OMA1: variants seen among roughly 807,000 people sequenced by gnomAD.
The protein encoded by OMA1 is metalloendopeptidase OMA1, mitochondrial.
A neutral mutation model predicts 30.9 loss-of-function variants in OMA1; 38 were observed. That is an observed-to-expected ratio of 1.23 (90% CI 0.95 to 1.61). OMA1 has a LOEUF of 1.61. OMA1 is among the 40% of genes most tolerant of loss of function. The pLI, the probability that OMA1 is intolerant of heterozygous loss-of-function variation, is 0.00. For synonymous variants in OMA1, 173 were observed against 121.9 expected (o/e 1.42, Z -2.76); for missense variants, 461 against 349.2 (o/e 1.32, Z -2.55).
chr1:58,509,194 G>A (rs772544030), intron 7 of OMA1, among the ~76,000 whole-genome samples: 25 of 151,964 alleles, frequency 1.6e-4, no homozygotes, highest in Non-Finnish European at 2.6e-4. Flanking sequence ...AAAGGATGAA[G>A]ATAAATCTTC....
At chr1:58,539,766 A>G (rs1646575244) in intron 1 of OMA1, among the ~76,000 whole-genome samples, 1 of 152,174 alleles carries the variant, frequency 6.6e-6, no homozygotes, top group Non-Finnish European at 1.5e-5. Context: ...AGAGCCCTAC[A>G]ACTGTCCTAG....
rs758035870 is a variant in OMA1 at position 58,527,255 on chromosome 1, CTT to C, written c.1215+4_1215+5del. 4 of 872,068 alleles carry C rather than the reference CTT, an allele frequency of 4.6e-6. No homozygotes were observed. In the Admixed American group the frequency reaches 6.8e-5, roughly 15 times the overall value. 54.0% of individuals were successfully genotyped at this position (872,068 alleles called of 1,614,324 possible). A position where few individuals can be genotyped will look rare whatever the true frequency, so the allele number is the denominator to read the frequency against. On this transcript the variant is annotated splice_donor_5th_base_variant and intron_variant, in intron 7 of 8. Transcript: ENST00000371226. Reference sequence around the variant, plus strand: ...ATTATGTATTCTCAACTACTAAACACTTTACCTTTGCAGCAAGCAGTAGTCCA... The same window carrying C: ...ATTATGTATTCTCAACTACTAAACACTACCTTTGCAGCAAGCAGTAGTCCA...
At position 58,484,664 on chromosome 1, in the gene OMA1, C is replaced by G. The variant is rs186725010; in HGVS notation, c.1366-3490G>C. On this transcript the variant is annotated intron_variant, in intron 8 of 8. Transcript: ENST00000371226. Reference sequence around the variant, plus strand: ...TTATTTGCTAAAACTTGGAAATAACCAAGATTTCCTTCGATAGGTGAATGG... The same window carrying G: ...TTATTTGCTAAAACTTGGAAATAACGAAGATTTCCTTCGATAGGTGAATGG... Among the ~76,000 whole-genome samples the G allele has an allele frequency of 3.3e-4, 50 of 152,160 alleles. No homozygotes were observed. The Middle Eastern group carries it at 0.01, about 31-fold the overall frequency.
chr1:58,485,228 T>TAAAAAAAAAAAAAAAAAA (rs71043289), intron 8 of OMA1, among the ~76,000 whole-genome samples: 7 of 42,056 alleles, frequency 1.7e-4, no homozygotes, highest in Non-Finnish European at 2.9e-4. Flanking sequence ...AGTCTACTAC[T>TAAAAAAAAAAAAAAAAAA]AAAAAAAAAA....
At chr1:58,488,981 T>C (rs6658743) in intron 8 of OMA1, among the ~76,000 whole-genome samples, 17,624 of 152,266 alleles carry the variant, frequency 0.12, 1,215 homozygotes, top group African/African-American at 0.18. Context: ...GATGGCCAAA[T>C]AGGAACAGCT....
chr1:58,481,706 G>T (rs538561100), intron 8 of OMA1, among the ~76,000 whole-genome samples: 1 of 152,180 alleles, frequency 6.6e-6, no homozygotes, highest in Non-Finnish European at 1.5e-5. Context: ...ACATGTCATG[G>T]GAGGTAACTG....
chr1:58,503,100 A>G (rs1214352810), intron 8 of OMA1, among the ~76,000 whole-genome samples: 3 of 152,228 alleles, frequency 2.0e-5, no homozygotes, highest in African/African-American at 7.2e-5. Context: ...ACAACTCAGA[A>G]TTTAGGAGTC....
chr1:58,531,732 C>CAA (rs1646437139), intron 5 of OMA1, among the ~76,000 whole-genome samples: 1 of 150,494 alleles, frequency 6.6e-6, no homozygotes, highest in African/African-American at 2.4e-5. Context: ...TTTTTTGAGA[C>CAA]AGAGTCTTGC....
Position 58,480,883 on chromosome 1 carries a change from C to A in OMA1, c.*82G>T. The A allele has an allele frequency of 1.4e-6, 1 of 691,762 alleles. No individual in the cohort carries two copies. The highest frequency in any genetic ancestry group is 2.4e-6 in the Non-Finnish European group (1 of 414,376). 42.9% of individuals were successfully genotyped at this position (691,762 alleles called of 1,614,324 possible). A position where few individuals can be genotyped will look rare whatever the true frequency, so the allele number is the denominator to read the frequency against. On this transcript the variant is annotated 3_prime_UTR_variant, in exon 9 of 9. Transcript: ENST00000371226. ...CTGAATATCCTTTTTTTTTTCACTT[C>A]AAACATCATTTTTTAAAAAGTAACA...
chr1:58,487,679 C>A (rs746982799), intron 8 of OMA1, among the ~76,000 whole-genome samples: 1 of 152,098 alleles, frequency 6.6e-6, no homozygotes, highest in Non-Finnish European at 1.5e-5. Flanking sequence ...TACCTTACTT[C>A]TTTCTAAAGT....
At chr1:58,537,587 T>C (rs968763108) in intron 2 of OMA1, among the ~76,000 whole-genome samples, 1 of 152,210 alleles carries the variant, frequency 6.6e-6, no homozygotes, top group South Asian at 2.1e-4. Context: ...CAACAAGCAA[T>C]GTTTTCAATA....
At chr1:58,519,590 T>A (rs192600031) in intron 7 of OMA1, among the ~76,000 whole-genome samples, 4 of 151,984 alleles carry the variant, frequency 2.6e-5, no homozygotes, top group African/African-American at 9.7e-5. Context: ...AAAAAAAATA[T>A]ATCATTCAGA....
intron 7 of OMA1, among the ~76,000 whole-genome samples, chr1:58,509,417 AAAAACC>A (rs1328798209): frequency 1.3e-5 from 2 of 151,932 alleles, no homozygotes; most frequent in Non-Finnish European, 2.9e-5. Context: ...TCAAGGAAAA[AAAAACC>A]AAAAAGAAAA....
intron 7 of OMA1, among the ~76,000 whole-genome samples, chr1:58,518,443 C>T (rs989200336): frequency 5.9e-5 from 9 of 151,336 alleles, no homozygotes; most frequent in African/African-American, 1.9e-4. Flanking sequence ...TTACTTGTGG[C>T]AGGGTGGAGA....
intron 8 of OMA1, among the ~76,000 whole-genome samples, chr1:58,489,883 T>C (rs1323615027): frequency 6.6e-6 from 1 of 152,230 alleles, no homozygotes; most frequent in Non-Finnish European, 1.5e-5. Flanking sequence ...CTGAGGGTCC[T>C]GACTGTTAGA....
At chr1:58,541,293 CAAAAAAAAAAAAAAAAAAA>C (rs71043292) in intron 1 of OMA1, among the ~76,000 whole-genome samples, 133 of 27,544 alleles carry the variant, frequency 4.8e-3, no homozygotes, top group East Asian at 0.019. Context: ...GACTCTGTCT[CAAAAAAAAAAAAAAAAAAA>C]AAAAAAAAAA....
At position 58,533,856 on chromosome 1, in the gene OMA1, T is replaced by G. The variant is rs1646474771; in HGVS notation, c.1011+97A>C. ...TTACCCAAAACTAAAAGTCTATCATTTTTAAAAAACCTGAAAAAAATCAGT... is the reference window on the plus strand; with the variant it reads ...TTACCCAAAACTAAAAGTCTATCATGTTTAAAAAACCTGAAAAAAATCAGT... On this transcript the variant is annotated intron_variant, in intron 5 of 8. Transcript: ENST00000371226. 10 of 757,180 alleles carry G rather than the reference T, an allele frequency of 1.3e-5. No individual in the cohort carries two copies. In the Admixed American group the frequency reaches 1.6e-4, roughly 12 times the overall value. The allele number at this position is 757,180 out of a possible 1,614,324, so 46.9% of individuals were successfully genotyped here.
chr1:58,487,286 C>T (rs1167265206), intron 8 of OMA1, among the ~76,000 whole-genome samples: 2 of 152,176 alleles, frequency 1.3e-5, no homozygotes, highest in Admixed American at 1.3e-4. Flanking sequence ...AAGATGAGTC[C>T]TAAATTTCCT....
At chr1:58,486,962 T>C (rs532050233) in intron 8 of OMA1, among the ~76,000 whole-genome samples, 15 of 152,262 alleles carry the variant, frequency 9.9e-5, no homozygotes, top group Non-Finnish European at 1.3e-4. Flanking sequence ...CTGGAAGACA[T>C]AGGAAGAGTC....
Sources: allele counts gnomAD v4.1 joint callset (sites outside exome capture counted in the v4.1 genomes callset), GRCh38; gene constraint gnomAD v4.1.1; transcripts MANE v1.5; gene names NCBI Gene and HGNC (gene_info 2026-07-23, HGNC 2026-07-21).